HDAC9: variants seen among roughly 807,000 people sequenced by gnomAD.
HDAC9 encodes the protein MEF-2 interacting transcription repressor (MITR) protein.
HDAC9 carries 41 observed loss-of-function variants against 139.4 expected under a neutral mutation model. That is an observed-to-expected ratio of 0.29 (90% CI 0.23 to 0.38). The LOEUF (loss-of-function observed/expected upper bound fraction) is 0.38, where lower values mean the gene tolerates loss of function less well. Among genes scored for constraint, HDAC9 ranks in the 10% least tolerant of loss-of-function variants. The pLI, the probability that HDAC9 is intolerant of heterozygous loss-of-function variation, is 1.00. For synonymous variants in HDAC9, 517 were observed against 476.2 expected, an observed-to-expected ratio of 1.09 and a Z score of -1.12; for missense variants, 1,147 against 1,297.0, an observed-to-expected ratio of 0.88 and a Z score of 1.78.
At chr7:18,901,858 C>T (rs1801754567) in intron 22 of HDAC9, among the ~76,000 whole-genome samples, 1 of 152,160 alleles carries the variant, frequency 6.6e-6, no homozygotes, top group African/African-American at 2.4e-5. Context: ...AAGCAGCTTT[C>T]TTTTTTATTT....
chr7:18,264,403 A>G (rs4721706), intron 2 of HDAC9, among the ~76,000 whole-genome samples: 44,357 of 152,102 alleles, frequency 0.29, 7,026 homozygotes, highest in South Asian at 0.41. Context: ...GAATTAAACA[A>G]TATACTCCCA....
intron 25 of HDAC9, among the ~76,000 whole-genome samples, chr7:18,977,322 T>C (rs1784609508): frequency 6.6e-6 from 1 of 152,148 alleles, no homozygotes; most frequent in African/African-American, 2.4e-5. Flanking sequence ...GCCATAAAAC[T>C]GAGGAAACTA....
intron 2 of HDAC9, among the ~76,000 whole-genome samples, chr7:18,561,373 G>T (rs1036257380): frequency 3.3e-5 from 5 of 152,104 alleles, no homozygotes; most frequent in Non-Finnish European, 7.4e-5. Flanking sequence ...ATTTTGTTCT[G>T]TATATTAACC....
At chr7:18,112,164 G>T (rs1386424449) in intron 1 of HDAC9, among the ~76,000 whole-genome samples, 1 of 152,096 alleles carries the variant, frequency 6.6e-6, no homozygotes, top group African/African-American at 2.4e-5. Flanking sequence ...TGAATGGGTG[G>T]ATGTACTATA....
At chr7:18,086,946 C>G (rs1161832829), upstream of HDAC9, 1 of 146,096 alleles carries the variant, frequency 6.8e-6, no homozygotes, top group East Asian at 2.0e-4. Context: ...TCCCGCACAT[C>G]GCGCAGCGCG....
intron 2 of HDAC9, among the ~76,000 whole-genome samples, chr7:18,516,454 CCTATT>C (rs1803211774): frequency 6.6e-6 from 1 of 152,124 alleles, no homozygotes; most frequent in South Asian, 2.1e-4. Flanking sequence ...TAGTCAATAT[CCTATT>C]TACTTAAGAA....
intron 1 of HDAC9, among the ~76,000 whole-genome samples, chr7:18,361,666 TGTTGAATATATG>T (rs1783788408): frequency 6.6e-6 from 1 of 152,346 alleles, no homozygotes; most frequent in South Asian, 2.1e-4. Context: ...GTTAGATTTC[TGTTGAATATATG>T]GTTAATTCTA....
intron 11 of HDAC9, among the ~76,000 whole-genome samples, chr7:18,658,899 C>CAAAAAAAAAAAAAAAAAA (rs11306117): frequency 2.5e-5 from 3 of 118,142 alleles, no homozygotes; most frequent in Non-Finnish European, 3.9e-5. Flanking sequence ...AAAAAAAAAG[C>CAAAAAAAAAAAAAAAAAA]AAAAAAAAAA....
Position 19,001,758 on chromosome 7 carries a change from TAACA to T in HDAC9, c.*5702_*5705del, listed in dbSNP as rs1786763457. 2 of 151,846 alleles carry T rather than the reference TAACA, an allele frequency of 1.3e-5. No homozygotes were observed. The highest frequency in any genetic ancestry group is 1.3e-4 in the Admixed American group (2 of 15,250). 9.4% of individuals were successfully genotyped at this position (151,846 alleles called of 1,614,324 possible). ...TTGTCCTTTCAGTGGTTTCTAGGTA[TAACA>T]AACAAGCCGTTAAAAATGAGTGACC... On this transcript the variant is annotated 3_prime_UTR_variant, in exon 26 of 26. Coordinates refer to ENST00000686413, the MANE Select transcript of HDAC9 (RefSeq NM_178425.4).
intron 25 of HDAC9, among the ~76,000 whole-genome samples, chr7:18,976,547 G>A (rs1353930487): frequency 1.3e-5 from 2 of 152,160 alleles, no homozygotes; most frequent in African/African-American, 4.8e-5. Context: ...GGATAGGACA[G>A]AATTGGTTTT....
chr7:18,385,908 TTTGC>T (rs1785882670), intron 1 of HDAC9, among the ~76,000 whole-genome samples: 1 of 152,142 alleles, frequency 6.6e-6, no homozygotes, highest in African/African-American at 2.4e-5. Flanking sequence ...TTCTTCCCAG[TTTGC>T]TTGTCAAAAA....
intron 2 of HDAC9, among the ~76,000 whole-genome samples, chr7:18,244,994 C>CATCT (rs1554342548): frequency 0.052 from 7,708 of 147,976 alleles, 244 homozygotes; most frequent in East Asian, 0.13. Flanking sequence ...ATCTAATCTG[C>CATCT]ATCTATCTAT....
chr7:18,954,072 GT>G, intron 23 of HDAC9, 73 bp from the exon 24 acceptor site: 1 of 1,018,152 alleles, frequency 9.8e-7, no homozygotes, highest in South Asian at 1.5e-5. Context: ...GGTTGTTTCA[GT>G]TTGCTTTGCT....
At chr7:18,392,782 T>C (rs1585582668) in intron 1 of HDAC9, among the ~76,000 whole-genome samples, 1 of 152,078 alleles carries the variant, frequency 6.6e-6, no homozygotes, top group African/African-American at 2.4e-5. Flanking sequence ...AGATATGATT[T>C]AGACTAGAAA....
chr7:18,979,521 A>AAAAT (rs757119786), intron 25 of HDAC9, among the ~76,000 whole-genome samples: 35 of 152,228 alleles, frequency 2.3e-4, no homozygotes, highest in Non-Finnish European at 4.6e-4. Flanking sequence ...GAACTTATTT[A>AAAAT]GACAACTTAG....
intron 25 of HDAC9, among the ~76,000 whole-genome samples, chr7:18,995,111 T>G (rs970970818): frequency 7.2e-5 from 11 of 152,346 alleles, no homozygotes; most frequent in Middle Eastern, 3.4e-3. Context: ...TTTTAACCTT[T>G]GCTAATTTTA....
At chr7:18,163,663 G>T (rs1315685212) in intron 2 of HDAC9, among the ~76,000 whole-genome samples, 1 of 152,060 alleles carries the variant, frequency 6.6e-6, no homozygotes, top group African/African-American at 2.4e-5. Flanking sequence ...TCTGTGAGCG[G>T]CATTGCTTAT....
chr7:18,642,081 T>C (rs1785804778), intron 8 of HDAC9, among the ~76,000 whole-genome samples: 3 of 152,118 alleles, frequency 2.0e-5, no homozygotes, highest in Non-Finnish European at 2.9e-5. Flanking sequence ...GGAGATAAGC[T>C]AAGCAATGTC....
At chr7:18,692,852 TA>T (rs1161426318) in intron 12 of HDAC9, among the ~76,000 whole-genome samples, 2 of 152,146 alleles carry the variant, frequency 1.3e-5, no homozygotes, top group African/African-American at 4.8e-5. Flanking sequence ...TTTGTCCTGT[TA>T]TTTTTTTGTG....
Sources: allele counts gnomAD v4.1 joint callset (sites outside exome capture counted in the v4.1 genomes callset), GRCh38; gene constraint gnomAD v4.1.1; transcripts MANE v1.5; gene names NCBI Gene and HGNC (gene_info 2026-07-23, HGNC 2026-07-21).